Variants in BTNL8 observed in about 807,000 individuals in gnomAD.
The protein encoded by BTNL8 is butyrophilin-like protein 8.
Under a neutral mutation model 36.1 loss-of-function variants are expected in BTNL8, and 22 were observed. The ratio of observed to expected loss-of-function variants is 0.61; its 90% CI spans 0.44 to 0.87. BTNL8 has a LOEUF of 0.87. Ranked by LOEUF, BTNL8 falls within the 40% of genes least tolerant of loss-of-function variation. BTNL8 has a pLI of 0.00. For synonymous variants in BTNL8, 203 were observed against 235.6 expected, an observed-to-expected ratio of 0.86 and a Z score of 1.27; for missense variants, 526 against 616.9, an observed-to-expected ratio of 0.85 and a Z score of 1.56.
intron 5 of BTNL8, 170 bp downstream of exon 5, chr5:180,948,545 C>T (rs1220384376): frequency 7.6e-6 from 12 of 1,586,570 alleles, no homozygotes; most frequent in African/African-American, 1.4e-5. Context: ...AGTTACCCCT[C>T]GGACATCTGG....
chr5:180,912,498 A>T (rs922327033), intron 3 of BTNL8, among the ~76,000 whole-genome samples: 3 of 152,028 alleles, frequency 2.0e-5, no homozygotes, highest in African/African-American at 7.3e-5. Flanking sequence ...TCTCACTAAT[A>T]CAGATTTGGT....
chr5:180,929,381 C>A (rs571758090), intron 3 of BTNL8, among the ~76,000 whole-genome samples: 2 of 152,056 alleles, frequency 1.3e-5, no homozygotes, highest in South Asian at 2.1e-4. Flanking sequence ...AAAATCGACA[C>A]CCTAACATCA....
At chr5:180,901,762 A>C (rs1756830377) in intron 1 of BTNL8, among the ~76,000 whole-genome samples, 1 of 152,230 alleles carries the variant, frequency 6.6e-6, no homozygotes, top group Admixed American at 6.5e-5. Context: ...TGAAGGCAAG[A>C]CATGTTGACA....
chr5:180,926,606 G>A (rs1350093619), intron 3 of BTNL8, among the ~76,000 whole-genome samples: 1 of 152,174 alleles, frequency 6.6e-6, no homozygotes, highest in Admixed American at 6.5e-5. Context: ...AGCAGTCTGG[G>A]GTCAACCCAG....
chr5:180,950,741 G>A lies in BTNL8; in HGVS notation c.*197G>A. 8.5e-6 allele frequency: 5 copies of A among 588,068 alleles called. No individual in the cohort carries two copies. The highest frequency in any genetic ancestry group is 3.7e-5 in the African/African-American group (2 of 53,554). The allele number at this position is 588,068 out of a possible 1,614,324, so 36.4% of individuals were successfully genotyped here. On this transcript the variant is annotated 3_prime_UTR_variant, in exon 8 of 8. Transcript: ENST00000340184. ...ATTTAGTTTGCTCTCACTCCATCTG[G>A]CTAAGTGATCTTGAAATACCACCTC...
In BTNL8 at chr5:180,902,698, C is replaced by A. The variant is rs7712399; in HGVS notation, c.49+3339C>A. ...CCCTCCCCCTACCCCACAACGTCCC[C>A]AGAGTGTGATATTCCCCTTCCTGTG... is the stretch of plus-strand genomic sequence containing the variant. On this transcript the variant is annotated intron_variant, in intron 1 of 7. Coordinates refer to ENST00000340184, the MANE Select transcript of BTNL8 (RefSeq NM_001040462.3). 5.7e-3 allele frequency among the ~76,000 whole-genome samples: 826 copies of A among 145,244 alleles called. 9 individuals carry two copies. Among genetic ancestry groups the A allele is most frequent in the African/African-American group, 0.02 (782 of 38,238 alleles).
intron 1 of BTNL8, among the ~76,000 whole-genome samples, chr5:180,899,785 G>A (rs1756744270): frequency 6.6e-6 from 1 of 152,246 alleles, no homozygotes; most frequent in Non-Finnish European, 1.5e-5. Flanking sequence ...CGAGGGTGGA[G>A]GAAGGTGTAC....
intron 3 of BTNL8, among the ~76,000 whole-genome samples, chr5:180,937,741 A>G (rs1260356267): frequency 6.6e-6 from 1 of 152,178 alleles, no homozygotes; most frequent in Non-Finnish European, 1.5e-5. Context: ...AGGAAATATG[A>G]CACCTCCAAA....
Position 180,950,571 on chromosome 5 carries a change from T to C in BTNL8, c.*27T>C. ...ATGAATCACATCCCACATTCTTCTT[T>C]AGGGATATTAAGGTCTCTCTCCCAG... On this transcript the variant is annotated 3_prime_UTR_variant, in exon 8 of 8. Transcript: ENST00000340184. The C allele has an allele frequency of 6.9e-7, 1 of 1,455,500 alleles. No individual in the cohort carries two copies. Among genetic ancestry groups the C allele is most frequent in the South Asian group, 1.1e-5 (1 of 89,124 alleles). 90.2% of individuals were successfully genotyped at this position (1,455,500 alleles called of 1,614,324 possible).
intron 3 of BTNL8, among the ~76,000 whole-genome samples, chr5:180,946,287 T>C (rs182438291): frequency 4.6e-5 from 7 of 152,322 alleles, no homozygotes; most frequent in Admixed American, 3.9e-4. Flanking sequence ...CTTGTGGGAA[T>C]ATATGAAAAT....
rs1266799027 is a variant in BTNL8, at chr5:180,923,879, TATA to T, written c.673+12270_673+12272del. On this transcript the variant is annotated intron_variant, in intron 3 of 7. Transcript: ENST00000340184. Reference sequence around the variant, plus strand: ...CAGAAAAACAAACAAATATGCCATGTATAATAACACAAAATGTCACATAGAAAT... The same window carrying T: ...CAGAAAAACAAACAAATATGCCATGTATAACACAAAATGTCACATAGAAAT... Among the ~76,000 whole-genome samples, 26 of 152,188 alleles carry T rather than the reference TATA, an allele frequency of 1.7e-4. 1 individual carries two copies. The highest frequency in any genetic ancestry group is 1.9e-4 in the East Asian group (1 of 5,204).
chr5:180,944,941 C>A (rs565249839), intron 3 of BTNL8, among the ~76,000 whole-genome samples: 1 of 152,164 alleles, frequency 6.6e-6, no homozygotes, highest in African/African-American at 2.4e-5. Context: ...AAGATTCTAA[C>A]GTCACTTTTC....
chr5:180,930,468 G>A (rs1351680559), intron 3 of BTNL8, among the ~76,000 whole-genome samples: 1 of 152,110 alleles, frequency 6.6e-6, no homozygotes, highest in Non-Finnish European at 1.5e-5. Flanking sequence ...TGGGCAGTCA[G>A]GCAAGAGAAA....
At chr5:180,947,342 G>A (rs1274063987) in intron 3 of BTNL8, among the ~76,000 whole-genome samples, 170 bp from the exon 4 acceptor site, 1 of 152,162 alleles carries the variant, frequency 6.6e-6, no homozygotes, top group African/African-American at 2.4e-5. Flanking sequence ...AAATTAAATA[G>A]AACCACTACC....
At chr5:180,934,725 A>G (rs954018288) in intron 3 of BTNL8, among the ~76,000 whole-genome samples, 2 of 152,168 alleles carry the variant, frequency 1.3e-5, no homozygotes, top group African/African-American at 4.8e-5. Flanking sequence ...CAGAAACCAT[A>G]CAGGCCCAAA....
chr5:180,907,971 T>C (rs1757176049), intron 1 of BTNL8, among the ~76,000 whole-genome samples: 2 of 152,178 alleles, frequency 1.3e-5, no homozygotes, highest in Admixed American at 1.3e-4. Flanking sequence ...GCTGTCTTTT[T>C]GTGTGTCTGT....
Position 180,950,412 on chromosome 5 carries a change from A to G in BTNL8, c.1371A>G (p.Ile457Met). The G allele has an allele frequency of 6.8e-7, 1 of 1,463,484 alleles. No individual in the cohort carries two copies. The highest frequency in any genetic ancestry group is 9.4e-7 in the Non-Finnish European group (1 of 1,059,054). The allele number at this position is 1,463,484 out of a possible 1,614,324, so 90.7% of individuals were successfully genotyped here. ...PSYNEQNGTP[I>M]VICPVTQESE... ...ATAATGAGCAAAATGGAACTCCCATAGTCATCTGCCCAGTCACCCAGGAAT... is the reference window on the plus strand; with the variant it reads ...ATAATGAGCAAAATGGAACTCCCATGGTCATCTGCCCAGTCACCCAGGAAT... The change falls in exon 8 of 8, where the codon ATA becomes ATG. Residue 457 changes from isoleucine (I) to methionine (M), a missense_variant. Around this residue, in one of 2 missense-constraint regions of BTNL8, gnomAD observed 176 missense variants for 292.3 expected, o/e 0.60. Transcript: ENST00000340184.
chr5:180,920,385 T>C (rs967910831), intron 3 of BTNL8, among the ~76,000 whole-genome samples: 5 of 152,034 alleles, frequency 3.3e-5, no homozygotes, highest in African/African-American at 9.7e-5. Context: ...GAAAACTGGA[T>C]ATTTACATGC....
At chr5:180,904,797 T>C (rs1236466607) in intron 1 of BTNL8, among the ~76,000 whole-genome samples, 1 of 151,814 alleles carries the variant, frequency 6.6e-6, no homozygotes, top group Non-Finnish European at 1.5e-5. Context: ...GTGGTTTTTG[T>C]CTTTGGCTCC....
Sources: gnomAD v4.1 joint callset for allele counts (sites outside exome capture counted in the v4.1 genomes callset) on GRCh38, gnomAD v4.1.1 for gene constraint, gnomAD v4.1.1 regional missense constraint, MANE v1.5 for transcripts, NCBI Gene and HGNC (gene_info 2026-07-23, HGNC 2026-07-21) for gene names.